ASCC3: variants seen among roughly 807,000 people sequenced by gnomAD.
ASCC3 encodes the protein activating signal cointegrator 1 complex subunit 3, also known as ASC-1 complex subunit P200.
In ASCC3, 158 loss-of-function variants were observed where a neutral mutation model predicts 256.3. The ratio of observed to expected loss-of-function variants is 0.62; its 90% CI spans 0.54 to 0.70. The LOEUF (loss-of-function observed/expected upper bound fraction) is 0.70. ASCC3 is among the 30% of genes least tolerant of loss of function. ASCC3 has a pLI of 0.00. For synonymous variants in ASCC3, 948 were observed against 883.4 expected, an observed-to-expected ratio of 1.07 and a Z score of -1.30; for missense variants, 2,259 against 2,626.0, an observed-to-expected ratio of 0.86 and a Z score of 3.05.
intron 8 of ASCC3, among the ~76,000 whole-genome samples, chr6:100,768,987 G>A (rs1781793264): frequency 6.6e-6 from 1 of 152,064 alleles, no homozygotes; most frequent in South Asian, 2.1e-4. Context: ...TACCACTGAT[G>A]AAAGAAGAAA....
chr6:100,804,984 A>G (rs1770097034), intron 5 of ASCC3, among the ~76,000 whole-genome samples: 1 of 152,162 alleles, frequency 6.6e-6, no homozygotes, highest in Non-Finnish European at 1.5e-5. Flanking sequence ...CACAACAGGA[A>G]AGACACAGAA....
At chr6:100,652,177 A>G (rs957269833) in intron 18 of ASCC3, among the ~76,000 whole-genome samples, 1 of 152,166 alleles carries the variant, frequency 6.6e-6, no homozygotes, top group Admixed American at 6.6e-5. Flanking sequence ...AGTTCCTGCA[A>G]AAGAACAGCA....
At chr6:100,526,394 A>G (rs1774578901) in intron 37 of ASCC3, among the ~76,000 whole-genome samples, 1 of 152,172 alleles carries the variant, frequency 6.6e-6, no homozygotes, top group Non-Finnish European at 1.5e-5. Context: ...CAGGGGGTAG[A>G]AGGATCCTTC....
At chr6:100,850,432 T>C (rs1046903312) in intron 3 of ASCC3, among the ~76,000 whole-genome samples, 2 of 152,178 alleles carry the variant, frequency 1.3e-5, no homozygotes, top group Non-Finnish European at 2.9e-5. Flanking sequence ...ATTGTACAAA[T>C]ACAATGGTAT....
chr6:100,756,998 G>C (rs189187720), intron 10 of ASCC3, among the ~76,000 whole-genome samples: 153 of 152,200 alleles, frequency 1.0e-3, no homozygotes, highest in Non-Finnish European at 1.9e-3. Flanking sequence ...CAGATGGAGA[G>C]ACATAATAAA....
At chr6:100,697,236 T>C (rs1271688782) in intron 13 of ASCC3, among the ~76,000 whole-genome samples, 3 of 151,786 alleles carry the variant, frequency 2.0e-5, no homozygotes, top group Non-Finnish European at 4.4e-5. Context: ...CAAAGTGCTA[T>C]GGTAAAAAAA....
At chr6:100,675,423 G>A in intron 14 of ASCC3, among the ~76,000 whole-genome samples, 1 of 152,034 alleles carries the variant, frequency 6.6e-6, no homozygotes, top group Non-Finnish European at 1.5e-5. Flanking sequence ...TCTAATCTGG[G>A]CCATACTGAC....
intron 38 of ASCC3, 43 bp from the exon 39 acceptor site, chr6:100,516,370 A>G: frequency 4.3e-6 from 7 of 1,611,076 alleles, no homozygotes; most frequent in Non-Finnish European, 5.9e-6. Context: ...GTTTCACAGC[A>G]CAAAGAAGAT....
At chr6:100,532,335 CGTGT>C (rs3073701) in intron 37 of ASCC3, among the ~76,000 whole-genome samples, 8,237 of 99,578 alleles carry the variant, frequency 0.083, 437 homozygotes, top group African/African-American at 0.17. Context: ...TGCTATCTTG[CGTGT>C]GTGTGTGTGT....
intron 13 of ASCC3, among the ~76,000 whole-genome samples, chr6:100,699,226 G>A (rs1372341959): frequency 6.6e-6 from 1 of 152,166 alleles, no homozygotes; most frequent in African/African-American, 2.4e-5. Context: ...TGTGTCGTGG[G>A]ACTAACACGG....
intron 30 of ASCC3, among the ~76,000 whole-genome samples, chr6:100,608,227 ATATACTT>A (rs1773088887): frequency 4.7e-5 from 2 of 42,876 alleles, no homozygotes; most frequent in South Asian, 1.0e-3. Context: ...TATATACTTT[ATATACTT>A]TATACTTTAT....
intron 11 of ASCC3, among the ~76,000 whole-genome samples, chr6:100,723,670 A>C (rs2115034999): frequency 6.6e-6 from 1 of 151,144 alleles, no homozygotes; most frequent in Admixed American, 6.6e-5. Context: ...AGAAAGTATT[A>C]AGGAAGAGGG....
At chr6:100,561,458 T>TA (rs984651178) in intron 36 of ASCC3, among the ~76,000 whole-genome samples, 15 of 151,134 alleles carry the variant, frequency 9.9e-5, no homozygotes, top group African/African-American at 1.5e-4. Context: ...CCATGATTTA[T>TA]AAAAAAAAAC....
intron 17 of ASCC3, among the ~76,000 whole-genome samples, chr6:100,654,855 G>A (rs1409264095): frequency 6.6e-6 from 1 of 151,398 alleles, no homozygotes; most frequent in East Asian, 1.9e-4. Flanking sequence ...CTACTGCATA[G>A]GGAAAGAAAA....
intron 36 of ASCC3, among the ~76,000 whole-genome samples, chr6:100,568,785 TATTA>T (rs1770418496): frequency 1.4e-5 from 2 of 147,826 alleles, no homozygotes; most frequent in African/African-American, 2.5e-5. Context: ...TTATTATTAT[TATTA>T]TTTTTTGAGA....
intron 36 of ASCC3, among the ~76,000 whole-genome samples, chr6:100,551,819 C>G (rs1056112836): frequency 6.6e-6 from 1 of 152,026 alleles, no homozygotes; most frequent in African/African-American, 2.4e-5. Flanking sequence ...GACAGTTCTT[C>G]TTTTTCTGCT....
At chr6:100,540,076 G>C in intron 37 of ASCC3, 87 bp downstream of exon 37, 3 of 1,230,884 alleles carry the variant, frequency 2.4e-6, no homozygotes, top group East Asian at 2.4e-5. Flanking sequence ...GTTGTTAAAT[G>C]CAAGTACATT....
intron 10 of ASCC3, among the ~76,000 whole-genome samples, chr6:100,745,629 T>G (rs1384704175): frequency 6.6e-6 from 1 of 152,234 alleles, no homozygotes; most frequent in African/African-American, 2.4e-5. Context: ...GAAGGGACTT[T>G]CTGTGATAAC....
intron 14 of ASCC3, among the ~76,000 whole-genome samples, chr6:100,675,840 A>C (rs1776979103): frequency 6.6e-6 from 1 of 152,198 alleles, no homozygotes; most frequent in African/African-American, 2.4e-5. Context: ...CTATGAGAAC[A>C]GTTAAAGCCT....
Sources: allele counts gnomAD v4.1 joint callset (sites outside exome capture counted in the v4.1 genomes callset), GRCh38; gene constraint gnomAD v4.1.1; transcripts MANE v1.5; gene names NCBI Gene and HGNC (gene_info 2026-07-23, HGNC 2026-07-21).